The following AGBL4 variants were observed in gnomAD, a reference collection of about 807,000 sequenced individuals.
The protein encoded by AGBL4 is AGBL carboxypeptidase 4, also known as cytosolic carboxypeptidase 6.
A neutral mutation model predicts 66.4 loss-of-function variants in AGBL4; 58 were observed. The observed-to-expected ratio is 0.87, with a 90% CI of 0.71 to 1.09. The LOEUF is 1.09. Among genes scored for constraint, AGBL4 ranks in the 50% least tolerant of loss-of-function variants. The pLI is 0.00. For missense variants in AGBL4, 579 were observed against 631.0 expected (o/e 0.92, Z 0.88); for synonymous variants, 234 against 222.9 (o/e 1.05, Z -0.44).
At chr1:48,605,250 G>T (rs1243082488) in intron 9 of AGBL4, among the ~76,000 whole-genome samples, 1 of 152,156 alleles carries the variant, frequency 6.6e-6, no homozygotes, top group Non-Finnish European at 1.5e-5. Flanking sequence ...TTATTGGTAG[G>T]CAAGGAATAT....
intron 2 of AGBL4, among the ~76,000 whole-genome samples, chr1:49,807,198 T>C (rs200618168): frequency 1.3e-5 from 2 of 152,082 alleles, no homozygotes; most frequent in Non-Finnish European, 2.9e-5. Flanking sequence ...GCCACTGGCA[T>C]GTGAATCCAG....
intron 1 of AGBL4, among the ~76,000 whole-genome samples, chr1:49,921,891 A>T (rs1171992917): frequency 6.6e-6 from 1 of 152,042 alleles, no homozygotes; most frequent in Non-Finnish European, 1.5e-5. Context: ...CAGTCCACTG[A>T]CTCAAATATC....
chr1:49,366,377 A>G (rs1242061138), intron 3 of AGBL4, among the ~76,000 whole-genome samples: 1 of 152,170 alleles, frequency 6.6e-6, no homozygotes, highest in Non-Finnish European at 1.5e-5. Flanking sequence ...AAAGGTGGCT[A>G]TTTAAAATGA....
Position 49,096,305 on chromosome 1 carries a change from G to C in AGBL4, c.378-50505C>G, listed in dbSNP as rs537467805. Among the ~76,000 whole-genome samples, 238 of 152,244 alleles carry C rather than the reference G, an allele frequency of 1.6e-3. 3 individuals are homozygous for C. Among genetic ancestry groups the C allele is most frequent in the African/African-American group, 5.6e-3 (231 of 41,532 alleles). ...GCGATTCCTCAGGGATCTAGAACTAGAAATACCATTTGACCCAGCCATCCC... is the reference window on the plus strand; with the variant it reads ...GCGATTCCTCAGGGATCTAGAACTACAAATACCATTTGACCCAGCCATCCC... On this transcript the variant is annotated intron_variant, in intron 4 of 13. Transcript: ENST00000371839.
intron 3 of AGBL4, among the ~76,000 whole-genome samples, chr1:49,285,531 A>G (rs528055391): frequency 2.6e-5 from 4 of 151,222 alleles, no homozygotes; most frequent in South Asian, 2.1e-4. Context: ...AGCGTAGAAC[A>G]GAAGGAAATA....
chr1:50,011,476 G>A (rs1470938896), intron 1 of AGBL4, among the ~76,000 whole-genome samples: 1 of 152,150 alleles, frequency 6.6e-6, no homozygotes, highest in Admixed American at 6.6e-5. Context: ...GCGTTTGGAG[G>A]TTCCTCAAGA....
At chr1:49,126,994 C>G (rs1224725559) in intron 4 of AGBL4, among the ~76,000 whole-genome samples, 1 of 152,096 alleles carries the variant, frequency 6.6e-6, no homozygotes, top group Non-Finnish European at 1.5e-5. Context: ...TTCAAAAAGA[C>G]TTAAAGGTAT....
intron 6 of AGBL4, among the ~76,000 whole-genome samples, chr1:48,707,226 G>A (rs555762407): frequency 5.9e-5 from 9 of 152,210 alleles, no homozygotes; most frequent in South Asian, 2.1e-4. Context: ...CCCAGGAGGC[G>A]GAGGTTGCAG....
At chr1:48,611,044 A>T (rs1645230278) in intron 9 of AGBL4, among the ~76,000 whole-genome samples, 2 of 152,246 alleles carry the variant, frequency 1.3e-5, no homozygotes, top group Non-Finnish European at 2.9e-5. Flanking sequence ...ATTAACACCC[A>T]CTACAGGCTG....
intron 1 of AGBL4, among the ~76,000 whole-genome samples, chr1:49,971,839 T>C (rs1658112419): frequency 6.7e-6 from 1 of 148,834 alleles, no homozygotes; most frequent in South Asian, 2.2e-4. Flanking sequence ...CTTCATCTCA[T>C]CTTACAAGCG....
intron 2 of AGBL4, among the ~76,000 whole-genome samples, chr1:49,803,802 A>T (rs1644916312): frequency 6.6e-6 from 1 of 152,198 alleles, no homozygotes; most frequent in East Asian, 1.9e-4. Context: ...AAAATTCTAT[A>T]ATTGTACTAT....
chr1:49,302,919 G>A (rs1185133768), intron 3 of AGBL4, among the ~76,000 whole-genome samples: 1 of 151,882 alleles, frequency 6.6e-6, no homozygotes, highest in East Asian at 1.9e-4. Context: ...GTAGTGTTTG[G>A]TTTTCCGTTC....
intron 3 of AGBL4, among the ~76,000 whole-genome samples, chr1:49,283,745 G>A (rs370417120): frequency 6.7e-6 from 1 of 149,048 alleles, no homozygotes; most frequent in Non-Finnish European, 1.5e-5. Context: ...GAGCCGATGC[G>A]ATCAACTGGA....
intron 6 of AGBL4, among the ~76,000 whole-genome samples, chr1:48,853,730 A>G (rs1286163334): frequency 6.6e-6 from 1 of 152,004 alleles, no homozygotes; most frequent in Non-Finnish European, 1.5e-5. Flanking sequence ...TCAGATTCCC[A>G]TGAGGTCTGT....
Position 48,902,068 on chromosome 1 carries a change from A to G in AGBL4, c.595-34838T>C, listed in dbSNP as rs535222301. 1.6e-3 allele frequency among the ~76,000 whole-genome samples: 241 copies of G among 152,216 alleles called. 1 individual carries two copies. The highest frequency in any genetic ancestry group is 5.5e-3 in the African/African-American group (230 of 41,540). On this transcript the variant is annotated intron_variant, in intron 5 of 13. Coordinates refer to ENST00000371839, the MANE Select transcript of AGBL4 (RefSeq NM_032785.4). The stretch of plus-strand genomic sequence containing the variant: ...GATCTCATGAGACTTGTTCACTATC[A>G]TGAGAACAGCACAGGAAAGACCTGC...
At chr1:49,844,697 A>T (rs1414235859) in intron 2 of AGBL4, 1 of 1,599,254 alleles carries the variant, frequency 6.3e-7, no homozygotes, top group South Asian at 1.1e-5. Context: ...TCAGACTTGG[A>T]AACTAGACCC....
intron 3 of AGBL4, among the ~76,000 whole-genome samples, chr1:49,652,082 G>T (rs1646018130): frequency 6.6e-6 from 1 of 152,030 alleles, no homozygotes; most frequent in South Asian, 2.1e-4. Flanking sequence ...GCTAGACCAA[G>T]CATAAGGAAG....
intron 6 of AGBL4, among the ~76,000 whole-genome samples, chr1:48,678,254 C>A (rs1251396076): frequency 1.3e-5 from 2 of 152,112 alleles, no homozygotes; most frequent in African/African-American, 4.8e-5. Context: ...TTCTGCCCCA[C>A]CTTTGCTCTC....
intron 5 of AGBL4, among the ~76,000 whole-genome samples, chr1:48,966,382 C>T (rs548294838): frequency 6.6e-6 from 1 of 152,196 alleles, no homozygotes; most frequent in African/African-American, 2.4e-5. Flanking sequence ...CTAATGAAGT[C>T]ATCCTCAAAA....
Sources: gnomAD v4.1 joint callset for allele counts (sites outside exome capture counted in the v4.1 genomes callset) on GRCh38, gnomAD v4.1.1 for gene constraint, MANE v1.5 for transcripts, NCBI Gene and HGNC (gene_info 2026-07-23, HGNC 2026-07-21) for gene names.